PCDH9: variants seen among roughly 807,000 people sequenced by gnomAD.
PCDH9 encodes protocadherin 9.
A neutral mutation model predicts 70.6 loss-of-function variants in PCDH9; 24 were observed. The ratio of observed to expected loss-of-function variants is 0.34; its 90% CI spans 0.25 to 0.48. The LOEUF is 0.48. Ranked by LOEUF, PCDH9 falls within the 20% of genes least tolerant of loss-of-function variation. PCDH9 has a pLI of 0.99. For missense variants in PCDH9, 1,281 were observed against 1,503.6 expected, an observed-to-expected ratio of 0.85 and a Z score of 2.45; for synonymous variants, 562 against 558.5, an observed-to-expected ratio of 1.01 and a Z score of -0.09.
chr13:67,113,713 A>T (rs903664410), intron 2 of PCDH9, among the ~76,000 whole-genome samples: 2 of 151,950 alleles, frequency 1.3e-5, no homozygotes, highest in African/African-American at 2.4e-5. Context: ...ACGCCCGGCT[A>T]ATTTTTTGTA....
intron 3 of PCDH9, among the ~76,000 whole-genome samples, chr13:66,866,460 G>C (rs925323290): frequency 2.2e-4 from 33 of 148,648 alleles, no homozygotes; most frequent in South Asian, 4.3e-4. Context: ...CCAGCCTGGG[G>C]GACAGAGCGA....
intron 2 of PCDH9, among the ~76,000 whole-genome samples, chr13:66,916,224 A>T (rs1056702021): frequency 1.3e-5 from 2 of 151,648 alleles, no homozygotes; most frequent in African/African-American, 2.4e-5. Context: ...ATATGTTGAC[A>T]TCCTTTTGAA....
intron 4 of PCDH9, among the ~76,000 whole-genome samples, chr13:66,342,576 T>G (rs1593830278): frequency 6.6e-6 from 1 of 152,216 alleles, no homozygotes; most frequent in East Asian, 1.9e-4. Context: ...CATGATACAT[T>G]CAGGATGCAA....
At chr13:66,429,720 A>AAG (rs1566318891) in intron 4 of PCDH9, among the ~76,000 whole-genome samples, 5 of 151,548 alleles carry the variant, frequency 3.3e-5, no homozygotes, top group East Asian at 1.9e-4. Flanking sequence ...AGAAGAAGAA[A>AAG]AAAATAACTT....
intron 2 of PCDH9, among the ~76,000 whole-genome samples, chr13:67,189,336 A>G (rs748975282): frequency 2.0e-5 from 3 of 152,086 alleles, no homozygotes; most frequent in Non-Finnish European, 2.9e-5. Flanking sequence ...CTTTTTACTG[A>G]TTCATTAAGT....
At chr13:66,975,041 C>T (rs1215277825) in intron 2 of PCDH9, among the ~76,000 whole-genome samples, 1 of 152,036 alleles carries the variant, frequency 6.6e-6, no homozygotes. Context: ...AATCATTGTA[C>T]TAAACTAATA....
At chr13:66,424,702 C>G (rs376695760) in intron 4 of PCDH9, among the ~76,000 whole-genome samples, 211 of 151,972 alleles carry the variant, frequency 1.4e-3, no homozygotes, top group Non-Finnish European at 2.4e-3. Context: ...AGAACAAAAT[C>G]AAACAACAAC....
In PCDH9 at chr13:67,226,835, C is replaced by T. The variant is rs532190108; in HGVS notation, c.1606G>A (p.Glu536Lys). 6.2e-7 allele frequency: 1 copy of T among 1,614,142 alleles called. No homozygotes were observed. Among genetic ancestry groups the T allele is most frequent in the East Asian group, 2.2e-5 (1 of 44,874 alleles). ...GCAGTTACTGTAAAAATGAATCGTT[C>T]TTGTTCTTCTCTGTCAAATACTCTG... Reference protein sequence around the residue: ...ASRVFDREEQERFIFTVTARD... With the variant: ...ASRVFDREEQKRFIFTVTARD... The change falls in exon 2 of 5, where the codon GAA becomes AAA. Residue 536 changes from glutamate to lysine, a missense_variant. Glu to Lys is a moderately conservative substitution (Grantham distance 56). This residue lies in a region of PCDH9 where 798 missense variants were observed against 1,003.1 expected (regional missense o/e 0.80). Transcript: ENST00000377865. The surrounding 1 kb of genome is among the most constrained non-coding windows in gnomAD (Gnocchi z 5.0).
At chr13:66,368,360 T>G (rs1385852733) in intron 4 of PCDH9, among the ~76,000 whole-genome samples, 1 of 152,000 alleles carries the variant, frequency 6.6e-6, no homozygotes, top group Non-Finnish European at 1.5e-5. Flanking sequence ...ATGCAAAATT[T>G]TAAGATAGTT....
At position 66,539,782 on chromosome 13, in the gene PCDH9, C is replaced by T. The variant is rs998715083; in HGVS notation, c.3340+91428G>A. Among the ~76,000 whole-genome samples the T allele has an allele frequency of 4.0e-5, 6 of 151,734 alleles. No homozygotes were observed. The East Asian group carries it at 1.2e-3, about 29-fold the overall frequency. ...ACAATTTTTTTTGCCTTGCTGCCTC[C>T]CCAAAAATTATTTCTAAGAGATACC... On this transcript the variant is annotated intron_variant, in intron 4 of 4. Transcript: ENST00000377865.
chr13:67,125,295 C>T (rs186503555), intron 2 of PCDH9, among the ~76,000 whole-genome samples: 13 of 152,178 alleles, frequency 8.5e-5, no homozygotes, highest in Admixed American at 1.3e-4. Flanking sequence ...GCAGCCTGAT[C>T]GCAAATCATG....
At chr13:66,516,532 C>T (rs1055363703) in intron 4 of PCDH9, among the ~76,000 whole-genome samples, 6 of 151,884 alleles carry the variant, frequency 4.0e-5, no homozygotes, top group Non-Finnish European at 8.8e-5. Flanking sequence ...AAAGGATGAA[C>T]GGGGAATAAT....
intron 2 of PCDH9, among the ~76,000 whole-genome samples, chr13:67,094,234 T>A (rs1379994286): frequency 6.6e-6 from 1 of 152,168 alleles, no homozygotes; most frequent in South Asian, 2.1e-4. Context: ...GAATACTTGG[T>A]GGACAATTAC....
intron 2 of PCDH9, among the ~76,000 whole-genome samples, chr13:67,096,560 G>A (rs1427774336): frequency 6.6e-6 from 1 of 152,138 alleles, no homozygotes; most frequent in African/African-American, 2.4e-5. Context: ...ATTACATCAG[G>A]TTGGTGAAAG....
intron 4 of PCDH9, among the ~76,000 whole-genome samples, chr13:66,482,423 T>C (rs139803643): frequency 8.3e-4 from 126 of 152,318 alleles, no homozygotes; most frequent in African/African-American, 3.0e-3. Flanking sequence ...GGCCCCTCTA[T>C]AGGAGACTTC....
At chr13:66,699,173 C>G (rs182099951) in intron 3 of PCDH9, among the ~76,000 whole-genome samples, 1 of 152,192 alleles carries the variant, frequency 6.6e-6, no homozygotes, top group African/African-American at 2.4e-5. Flanking sequence ...GTTGGCCTCC[C>G]AAAGTGCTGG....
chr13:67,179,391 A>G (rs1566477793), intron 2 of PCDH9, among the ~76,000 whole-genome samples: 2 of 152,106 alleles, frequency 1.3e-5, no homozygotes, highest in Non-Finnish European at 1.5e-5. Context: ...GGTGCTTGTC[A>G]TAGAGTCAGT....
intron 4 of PCDH9, among the ~76,000 whole-genome samples, chr13:66,412,304 G>A (rs1957383953): frequency 6.6e-6 from 1 of 152,118 alleles, no homozygotes; most frequent in African/African-American, 2.4e-5. Context: ...TGGGACTACA[G>A]GTGCATCCCA....
At chr13:66,540,717 G>A (rs919395774) in intron 4 of PCDH9, among the ~76,000 whole-genome samples, 1 of 152,144 alleles carries the variant, frequency 6.6e-6, no homozygotes, top group Non-Finnish European at 1.5e-5. Flanking sequence ...GATTTTAACT[G>A]CATTATGCCT....
Sources: allele counts gnomAD v4.1 joint callset (sites outside exome capture counted in the v4.1 genomes callset), GRCh38; gene constraint gnomAD v4.1.1; regional missense constraint gnomAD v4.1.1; non-coding constraint Gnocchi (gnomAD v3.1); transcripts MANE v1.5; gene names NCBI Gene and HGNC (gene_info 2026-07-23, HGNC 2026-07-21).